The following IGF1 variants were observed in gnomAD, a reference collection of about 807,000 sequenced individuals.
The protein encoded by IGF1 is insulin like growth factor 1, also known as insulin-like growth factor 1.
Under a neutral mutation model 13.8 loss-of-function variants are expected in IGF1, and 4 were observed. The observed-to-expected ratio is 0.29, with a 90% CI of 0.14 to 0.66. The LOEUF (loss-of-function observed/expected upper bound fraction) is 0.66. IGF1 is among the 30% of genes least tolerant of loss of function. The pLI, the probability that IGF1 is intolerant of heterozygous loss-of-function variation, is 0.78. For synonymous variants in IGF1, 76 were observed against 72.6 expected (o/e 1.05, Z -0.23); for missense variants, 124 against 188.5 (o/e 0.66, Z 2.00).
At chr12:102,419,740 T>C in intron 2 of IGF1, 50 bp from the exon 3 acceptor site, 1 of 1,584,706 alleles carries the variant, frequency 6.3e-7, no homozygotes, top group Non-Finnish European at 8.6e-7. Flanking sequence ...ATCTGCTTTC[T>C]TCAGTCTTCC....
At chr12:102,454,337 C>T (rs943866505) in intron 2 of IGF1, among the ~76,000 whole-genome samples, 53 of 152,344 alleles carry the variant, frequency 3.5e-4, no homozygotes, top group African/African-American at 1.2e-3. Flanking sequence ...ACTACCAACC[C>T]TCCAGAGTAA....
intron 2 of IGF1, among the ~76,000 whole-genome samples, chr12:102,454,350 C>T (rs1039658166): frequency 6.6e-6 from 1 of 152,222 alleles, no homozygotes; most frequent in South Asian, 2.1e-4. Context: ...CAGAGTAACT[C>T]ATGAGGTCTA....
intron 2 of IGF1, among the ~76,000 whole-genome samples, chr12:102,444,323 C>T (rs1043966402): frequency 1.3e-5 from 2 of 151,578 alleles, no homozygotes; most frequent in African/African-American, 2.4e-5. Flanking sequence ...TCTGTAATTA[C>T]ACAGAGCAAA....
intron 3 of IGF1, among the ~76,000 whole-genome samples, chr12:102,412,018 A>G (rs954276250): frequency 6.6e-6 from 1 of 152,194 alleles, no homozygotes; most frequent in South Asian, 2.1e-4. Context: ...GAAATTTCTA[A>G]AATTGCAAAT....
In IGF1 at chr12:102,441,915, C is replaced by CTTCTTCTTATTCTT. The variant is rs1555244052; in HGVS notation, c.221-22226_221-22225insAAGAATAAGAAGAA. On this transcript the variant is annotated intron_variant, in intron 2 of 3. Transcript: ENST00000337514. The stretch of plus-strand genomic sequence containing the variant: ...GTCATTCTATTACACTGCTTCTTCT[C>CTTCTTCTTATTCTT]CTTCTTCTTCTTCTTCTTCTTCTTC... 1.6e-5 allele frequency among the ~76,000 whole-genome samples: 2 copies of CTTCTTCTTATTCTT among 122,140 alleles called. 1 individual carries two copies. 80.1% of individuals were successfully genotyped at this position (122,140 alleles called of 152,430 possible).
At position 102,396,292 on chromosome 12, in the gene IGF1, G is replaced by C. The variant is rs1297030363; in HGVS notation, c.*6215C>G. The C allele has an allele frequency of 6.6e-6, 1 of 152,186 alleles. No individual in the cohort carries two copies. Among genetic ancestry groups the C allele is most frequent in the Non-Finnish European group, 1.5e-5 (1 of 68,026 alleles). The allele number at this position is 152,186 out of a possible 1,614,324, so 9.4% of individuals were successfully genotyped here. On this transcript the variant is annotated 3_prime_UTR_variant, in exon 4 of 4. Transcript: ENST00000337514. ...ATTAACTCTTTTACCAAAAAGATCT[G>C]ACATGGTATTTGGGGCCTTTATGTA...
Position 102,472,385 on chromosome 12 carries a change from A to C in IGF1, c.220+3258T>G, listed in dbSNP as rs536481987. On this transcript the variant is annotated intron_variant, in intron 2 of 3. Transcript: ENST00000337514. ...TCAATCTACACACAGTAAGCATTAC[A>C]AAATATTTTATTCAGAACAGTTCTA... 2.0e-5 allele frequency among the ~76,000 whole-genome samples: 3 copies of C among 152,318 alleles called. No individual in the cohort carries two copies. The South Asian group carries it at 6.2e-4, about 32-fold the overall frequency.
At chr12:102,433,950 C>G (rs1156517506) in intron 2 of IGF1, among the ~76,000 whole-genome samples, 1 of 152,104 alleles carries the variant, frequency 6.6e-6, no homozygotes, top group Non-Finnish European at 1.5e-5. Context: ...TCATCTCACC[C>G]CACCCTCCTT....
intron 2 of IGF1, among the ~76,000 whole-genome samples, chr12:102,435,295 A>T (rs1027036542): frequency 2.0e-5 from 3 of 152,252 alleles, no homozygotes; most frequent in Non-Finnish European, 2.9e-5. Context: ...TGCATGCATG[A>T]GTGAACACTT....
chr12:102,470,808 A>G (rs1408714579), intron 2 of IGF1, among the ~76,000 whole-genome samples: 2 of 152,210 alleles, frequency 1.3e-5, no homozygotes, highest in Non-Finnish European at 2.9e-5. Flanking sequence ...CTTTAATTGA[A>G]AAGGTAATAG....
rs1873389177 is a variant in IGF1, at chr12:102,398,218, C to A, written c.*4289G>T. 1 of 152,466 alleles carries A rather than the reference C, an allele frequency of 6.6e-6. No homozygotes were observed. The allele number at this position is 152,466 out of a possible 1,614,324, so 9.4% of individuals were successfully genotyped here. ...CATCTCATAAGGAAATACTTTCCAA[C>A]ATTTCCCAAATGAGATCAGTGATTG... On this transcript the variant is annotated 3_prime_UTR_variant, in exon 4 of 4. Transcript: ENST00000337514.
At chr12:102,458,730 CAAAAAA>C (rs397825972) in intron 2 of IGF1, among the ~76,000 whole-genome samples, 1,784 of 73,540 alleles carry the variant, frequency 0.024, 82 homozygotes, top group African/African-American at 0.088. Context: ...GAACACTGAC[CAAAAAA>C]AAAAAAAAAA....
chr12:102,414,430 A>T (rs1176756973), intron 3 of IGF1, among the ~76,000 whole-genome samples: 3 of 151,042 alleles, frequency 2.0e-5, no homozygotes, highest in Non-Finnish European at 3.0e-5. Context: ...TTATTATTTA[A>T]TTTTTTTTTG....
rs543972758 is a variant in IGF1 at position 102,468,208 on chromosome 12, G to T, written c.220+7435C>A. Among the ~76,000 whole-genome samples the T allele has an allele frequency of 7.2e-5, 11 of 152,232 alleles. No individual in the cohort carries two copies. The South Asian group carries it at 1.0e-3, about 14-fold the overall frequency. ...GAATGCCTGAGCATTTAATGCAAAA[G>T]ATTTTAATTTAAAAGAGGCTGTTTG... On this transcript the variant is annotated intron_variant, in intron 2 of 3. Transcript: ENST00000337514.
chr12:102,446,531 C>T lies in IGF1; in HGVS notation c.221-26841G>A, dbSNP rs535894936. Among the ~76,000 whole-genome samples, 81 of 152,272 alleles carry T rather than the reference C, an allele frequency of 5.3e-4. 4 individuals carry two copies. In the South Asian group the frequency reaches 8.7e-3, roughly 16 times the overall value. Reference sequence around the variant, plus strand: ...TGCATAGAGGTGTTTATAGTATTCTCTGATGGTAGTTTGTATTTCTGTGGG... The same window carrying T: ...TGCATAGAGGTGTTTATAGTATTCTTTGATGGTAGTTTGTATTTCTGTGGG... On this transcript the variant is annotated intron_variant, in intron 2 of 3. Coordinates refer to ENST00000337514, the MANE Select transcript of IGF1 (RefSeq NM_000618.5).
intron 2 of IGF1, among the ~76,000 whole-genome samples, chr12:102,466,484 C>T (rs1330140956): frequency 2.6e-5 from 4 of 152,164 alleles, no homozygotes; most frequent in South Asian, 2.1e-4. Flanking sequence ...GTATAATGCA[C>T]AGGGCAGCTC....
intron 1 of IGF1, among the ~76,000 whole-genome samples, chr12:102,479,535 G>T (rs995788234): frequency 6.6e-6 from 1 of 152,156 alleles, no homozygotes; most frequent in African/African-American, 2.4e-5. Context: ...GGGACTTCAC[G>T]ACACTGAATA....
chr12:102,409,883 C>A (rs1297887217), intron 3 of IGF1, among the ~76,000 whole-genome samples: 3 of 151,934 alleles, frequency 2.0e-5, no homozygotes, highest in Non-Finnish European at 4.4e-5. Context: ...TTTTAATTTA[C>A]TTTTTAATTG....
chr12:102,421,146 T>A (rs1875677916), intron 2 of IGF1, among the ~76,000 whole-genome samples: 1 of 152,150 alleles, frequency 6.6e-6, no homozygotes, highest in Non-Finnish European at 1.5e-5. Context: ...GGTGGCTGCT[T>A]CCTTCTGTAA....
Sources: gnomAD v4.1 joint callset for allele counts (sites outside exome capture counted in the v4.1 genomes callset) on GRCh38, gnomAD v4.1.1 for gene constraint, MANE v1.5 for transcripts, NCBI Gene and HGNC (gene_info 2026-07-23, HGNC 2026-07-21) for gene names.